HIVEP3: variants seen among roughly 807,000 people sequenced by gnomAD.
HIVEP3 encodes the protein HIVEP zinc finger 3.
Under a neutral mutation model 152.8 loss-of-function variants are expected in HIVEP3, and 49 were observed. That is an observed-to-expected ratio of 0.32 (90% CI 0.26 to 0.41). The LOEUF is 0.41. HIVEP3 is among the 10% of genes least tolerant of loss of function. The pLI, the probability that HIVEP3 is intolerant of heterozygous loss-of-function variation, is 1.00. For missense variants in HIVEP3, 2,790 were observed against 3,103.3 expected (o/e 0.90, Z 2.40); for synonymous variants, 1,269 against 1,289.0 (o/e 0.98, Z 0.33).
At chr1:41,741,465 C>T (rs1412120204) in intron 1 of HIVEP3, among the ~76,000 whole-genome samples, 1 of 152,140 alleles carries the variant, frequency 6.6e-6, no homozygotes, top group Non-Finnish European at 1.5e-5. Context: ...ATCTCAGTGA[C>T]TAATGGGCCG....
intron 3 of HIVEP3, among the ~76,000 whole-genome samples, chr1:41,585,808 G>A (rs1330904774): frequency 1.3e-5 from 2 of 152,324 alleles, no homozygotes; most frequent in Middle Eastern, 3.4e-3. Context: ...GTGAACTCTG[G>A]ATGGGGCCAT....
At chr1:41,853,956 A>G (rs1643678719) in intron 1 of HIVEP3, among the ~76,000 whole-genome samples, 1 of 152,212 alleles carries the variant, frequency 6.6e-6, no homozygotes, top group Admixed American at 6.5e-5. Flanking sequence ...GAGCTCACAC[A>G]TCGAGGAGCT....
chr1:42,013,801 T>C (rs1055363474), intron 1 of HIVEP3, among the ~76,000 whole-genome samples: 4 of 152,204 alleles, frequency 2.6e-5, no homozygotes, highest in African/African-American at 9.6e-5. Context: ...CCCAGGAATT[T>C]TGAAGACATA....
chr1:41,758,141 G>C (rs1248261714), intron 1 of HIVEP3, among the ~76,000 whole-genome samples: 3 of 152,174 alleles, frequency 2.0e-5, no homozygotes, highest in African/African-American at 4.8e-5. Flanking sequence ...TGGGGGTGGT[G>C]CAGTTGGATG....
intron 2 of HIVEP3, among the ~76,000 whole-genome samples, chr1:41,643,888 C>CTATTTTT (rs1645417436): frequency 2.4e-5 from 1 of 41,140 alleles, no homozygotes; most frequent in Non-Finnish European, 4.0e-5. Flanking sequence ...CCTTCCCATC[C>CTATTTTT]TCTTTTTTTT....
chr1:42,031,619 T>G (rs1645613256), intron 1 of HIVEP3, among the ~76,000 whole-genome samples: 1 of 152,182 alleles, frequency 6.6e-6, no homozygotes, highest in African/African-American at 2.4e-5. Context: ...CTAGGTATTG[T>G]CAAGTGTTTC....
intron 1 of HIVEP3, among the ~76,000 whole-genome samples, chr1:41,807,021 C>T (rs866734874): frequency 8.5e-6 from 1 of 117,346 alleles, no homozygotes; most frequent in Non-Finnish European, 1.9e-5. Flanking sequence ...TCCCTTCCTC[C>T]CCGCCCAGCC....
intron 1 of HIVEP3, among the ~76,000 whole-genome samples, chr1:41,710,101 G>GA: frequency 6.6e-6 from 1 of 152,244 alleles, no homozygotes; most frequent in South Asian, 2.1e-4. Context: ...GCAGAGTGTT[G>GA]GTCCAGCACT....
intron 3 of HIVEP3, among the ~76,000 whole-genome samples, chr1:41,607,526 G>A (rs1644838164): frequency 6.6e-6 from 1 of 151,304 alleles, no homozygotes; most frequent in South Asian, 2.1e-4. Context: ...TACTGTTAAG[G>A]ATACTACTGA....
At chr1:41,842,103 T>G (rs1187727035) in intron 1 of HIVEP3, among the ~76,000 whole-genome samples, 1 of 151,866 alleles carries the variant, frequency 6.6e-6, no homozygotes, top group African/African-American at 2.4e-5. Context: ...AAAAAAAAAT[T>G]CACTGTTAAT....
At position 41,595,269 on chromosome 1, in the gene HIVEP3, C is replaced by T. The variant is rs79747869; in HGVS notation, c.-521-9951G>A. On this transcript the variant is annotated intron_variant, in intron 3 of 8. Transcript: ENST00000372583. Reference sequence around the variant, plus strand: ...TTCATTGTGGAAAGAGAAATCTCTTCAGTTGCCAAGCTCACCAGACCTCTC... The same window carrying T: ...TTCATTGTGGAAAGAGAAATCTCTTTAGTTGCCAAGCTCACCAGACCTCTC... 4.6e-5 allele frequency among the ~76,000 whole-genome samples: 7 copies of T among 152,328 alleles called. No homozygotes were observed. In the East Asian group the frequency reaches 1.3e-3, roughly 29 times the overall value.
At chr1:41,961,397 G>A (rs1645168768) in intron 1 of HIVEP3, among the ~76,000 whole-genome samples, 1 of 152,270 alleles carries the variant, frequency 6.6e-6, no homozygotes, top group African/African-American at 2.4e-5. Flanking sequence ...CATAGCAATA[G>A]TAACCAAGGC....
At chr1:41,526,100 C>CG (rs1002554305) in intron 5 of HIVEP3, among the ~76,000 whole-genome samples, 22 of 151,758 alleles carry the variant, frequency 1.4e-4, no homozygotes, top group Non-Finnish European at 2.9e-4. Flanking sequence ...CGTGTCGGGG[C>CG]GGGGGGGCTC....
In HIVEP3 at chr1:41,545,973, T is replaced by C. The variant is rs1417651066; in HGVS notation, c.5208-21063A>G. Among the ~76,000 whole-genome samples, 4 of 152,140 alleles carry C rather than the reference T, an allele frequency of 2.6e-5. No homozygotes were observed. In the East Asian group the frequency reaches 7.7e-4, roughly 29 times the overall value. On this transcript the variant is annotated intron_variant, in intron 5 of 8. Coordinates refer to ENST00000372583, the MANE Select transcript of HIVEP3 (RefSeq NM_024503.5). ...GCTCCCAGTTAATGGCAGTGAGGTG[T>C]GAAGGAAAGGACACAGGCTTTGAAG...
chr1:41,890,542 G>T (rs908442385), intron 1 of HIVEP3, among the ~76,000 whole-genome samples: 3 of 152,198 alleles, frequency 2.0e-5, no homozygotes, highest in South Asian at 4.1e-4. Context: ...GCTGAGGTTT[G>T]GGAGATGAAT....
At chr1:41,545,669 A>C (rs1373214964) in intron 5 of HIVEP3, among the ~76,000 whole-genome samples, 5 of 40,572 alleles carry the variant, frequency 1.2e-4, no homozygotes, top group Admixed American at 5.4e-4. Context: ...CCCCTGCCAC[A>C]GCCACCACCA....
intron 2 of HIVEP3, among the ~76,000 whole-genome samples, chr1:41,669,610 G>T (rs1194083382): frequency 6.6e-6 from 1 of 152,144 alleles, no homozygotes; most frequent in Non-Finnish European, 1.5e-5. Context: ...GCTTGAGCTG[G>T]GACATTGGTC....
chr1:41,754,049 G>A (rs909288046), intron 1 of HIVEP3, among the ~76,000 whole-genome samples: 1 of 152,160 alleles, frequency 6.6e-6, no homozygotes, highest in African/African-American at 2.4e-5. Context: ...AGACATTCTG[G>A]GCAGAGAGAA....
chr1:41,544,179 T>C (rs1051359196), intron 5 of HIVEP3: 1 of 152,082 alleles, frequency 6.6e-6, no homozygotes, highest in African/African-American at 2.4e-5. Flanking sequence ...GACCCCACAC[T>C]GCTCAGCCAT....
Sources: allele counts gnomAD v4.1 joint callset (sites outside exome capture counted in the v4.1 genomes callset), GRCh38; gene constraint gnomAD v4.1.1; transcripts MANE v1.5; gene names NCBI Gene and HGNC (gene_info 2026-07-23, HGNC 2026-07-21).